Variants in NIN observed in about 807,000 individuals in gnomAD.
The protein encoded by NIN is ninein.
A neutral mutation model predicts 257.6 loss-of-function variants in NIN; 137 were observed. That is an observed-to-expected ratio of 0.53 (90% CI 0.46 to 0.61). The LOEUF (loss-of-function observed/expected upper bound fraction) is 0.61, where lower values mean the gene tolerates loss of function less well. Ranked by LOEUF, NIN falls within the 20% of genes least tolerant of loss-of-function variation. NIN has a pLI of 0.00. For synonymous variants in NIN, 918 were observed against 919.8 expected (o/e 1.00, Z 0.04); for missense variants, 2,439 against 2,501.2 (o/e 0.98, Z 0.53).
rs189187145 is a variant in NIN at position 50,746,785 on chromosome 14, A to C, written c.5064+1207T>G. 1.6e-3 allele frequency among the ~76,000 whole-genome samples: 245 copies of C among 152,360 alleles called. 1 individual carries two copies. Among genetic ancestry groups the C allele is most frequent in the African/African-American group, 5.2e-3 (217 of 41,588 alleles). ...GCAAATTGTTTTTTTCCAACAATGC[A>C]TTTCTCCATGAGAGGACATAATTTT... On this transcript the variant is annotated intron_variant, in intron 22 of 30. Coordinates refer to ENST00000530997, the MANE Select transcript of NIN (RefSeq NM_020921.4).
At chr14:50,760,420 TGA>T in intron 16 of NIN, 61 bp from the exon 17 acceptor site, 2 of 1,339,604 alleles carry the variant, frequency 1.5e-6, no homozygotes, top group Non-Finnish European at 2.0e-6. Context: ...GAAAGTGAAG[TGA>T]TGGAGCAGCA....
In NIN at chr14:50,738,291, C is replaced by G; in HGVS notation, c.5629-5G>C. On this transcript the variant is annotated splice_polypyrimidine_tract_variant and splice_region_variant and intron_variant, in intron 26 of 30. Coordinates refer to ENST00000530997, the MANE Select transcript of NIN (RefSeq NM_020921.4). The stretch of plus-strand genomic sequence containing the variant: ...ATTGGATTCCAACTGACGGACCTAA[C>G]AGGAACAAATGTAAGAGGAAAAAAT... The G allele has an allele frequency of 6.2e-7, 1 of 1,611,252 alleles. No homozygotes were observed. The highest frequency in any genetic ancestry group is 8.5e-7 in the Non-Finnish European group (1 of 1,179,000).
intron 22 of NIN, among the ~76,000 whole-genome samples, chr14:50,746,341 G>C (rs1053261741): frequency 2.0e-5 from 3 of 152,284 alleles, no homozygotes; most frequent in East Asian, 3.9e-4. Flanking sequence ...TGTTTATATG[G>C]ACAGGCGACT....
At chr14:50,754,327 G>C (rs1433833745) in intron 20 of NIN, among the ~76,000 whole-genome samples, 2 of 152,128 alleles carry the variant, frequency 1.3e-5, no homozygotes, top group African/African-American at 2.4e-5. Flanking sequence ...TTCTGCTGAT[G>C]ATAAAGCTTT....
At chr14:50,727,448 A>T in intron 29 of NIN, 1 of 1,170,796 alleles carries the variant, frequency 8.5e-7, no homozygotes, top group Non-Finnish European at 1.1e-6. Flanking sequence ...AAGGGTATAA[A>T]TAAAATGATT....
intron 5 of NIN, among the ~76,000 whole-genome samples, chr14:50,783,209 C>G (rs931169131): frequency 7.6e-6 from 1 of 131,002 alleles, no homozygotes; most frequent in East Asian, 2.3e-4. Flanking sequence ...CTACCACGCC[C>G]GGCTCATTTT....
intron 29 of NIN, among the ~76,000 whole-genome samples, chr14:50,728,064 T>TG (rs397852980): frequency 6.6e-6 from 1 of 151,972 alleles, no homozygotes; most frequent in African/African-American, 2.4e-5. Flanking sequence ...ATTTTTTTTT[T>TG]CTTTCAAAAA....
At chr14:50,724,971 G>T (rs1595686753) in intron 30 of NIN, among the ~76,000 whole-genome samples, 1 of 152,162 alleles carries the variant, frequency 6.6e-6, no homozygotes, top group Admixed American at 6.5e-5. Context: ...TTGGCACCTT[G>T]TAAGTGCATT....
chr14:50,732,148 T>C (rs374105175), intron 28 of NIN, among the ~76,000 whole-genome samples: 1 of 152,158 alleles, frequency 6.6e-6, no homozygotes, highest in African/African-American at 2.4e-5. Flanking sequence ...TGGGGGGATG[T>C]GTTATGTTAG....
chr14:50,755,832 CATT>C (rs2042001541), intron 18 of NIN, among the ~76,000 whole-genome samples: 1 of 151,744 alleles, frequency 6.6e-6, no homozygotes, highest in African/African-American at 2.4e-5. Flanking sequence ...GCCCAGCAAA[CATT>C]TTTTTATTTT....
Position 50,737,615 on chromosome 14 carries a change from T to A in NIN, c.5775+525A>T, listed in dbSNP as rs150553160. On this transcript the variant is annotated intron_variant, in intron 27 of 30. Transcript: ENST00000530997. ...AATAAAGATGATTAATTGCCTTCTT[T>A]AAGAAGCTTAAATTGTGGTTTTTTG... Among the ~76,000 whole-genome samples the A allele has an allele frequency of 6.7e-3, 1,016 of 150,710 alleles. 14 individuals carry two copies. Among genetic ancestry groups the A allele is most frequent in the African/African-American group, 0.023 (936 of 41,186 alleles).
At chr14:50,818,061 C>T (rs139686467) in intron 3 of NIN, among the ~76,000 whole-genome samples, 5 of 151,468 alleles carry the variant, frequency 3.3e-5, no homozygotes, top group Non-Finnish European at 1.5e-5. Flanking sequence ...CGATGGCTCA[C>T]GCCTGTAACC....
intron 12 of NIN, among the ~76,000 whole-genome samples, chr14:50,767,990 AG>A (rs1175547209): frequency 6.6e-6 from 1 of 151,724 alleles, no homozygotes; most frequent in Admixed American, 6.6e-5. Flanking sequence ...AACCCATAAA[AG>A]TTTTTTTAAA....
intron 2 of NIN, among the ~76,000 whole-genome samples, chr14:50,825,730 T>C (rs781661556): frequency 2.6e-5 from 4 of 152,218 alleles, no homozygotes; most frequent in African/African-American, 4.8e-5. Flanking sequence ...AATGATGCCA[T>C]TGGCAAACCA....
intron 2 of NIN, among the ~76,000 whole-genome samples, chr14:50,825,387 G>A (rs115030882): frequency 1.5e-4 from 23 of 152,162 alleles, no homozygotes; most frequent in African/African-American, 5.6e-4. Context: ...TTAAAAGCAG[G>A]TTATTGATAA....
chr14:50,760,573 T>G (rs2140868643), intron 16 of NIN, among the ~76,000 whole-genome samples: 1 of 152,232 alleles, frequency 6.6e-6, no homozygotes, highest in East Asian at 1.9e-4. Context: ...TGGCTGAATT[T>G]TATTAGTGTC....
chr14:50,732,774 C>T (rs1007316897), intron 28 of NIN, among the ~76,000 whole-genome samples: 5 of 151,960 alleles, frequency 3.3e-5, no homozygotes, highest in African/African-American at 1.2e-4. Flanking sequence ...GTCACCCAGG[C>T]TGGAGTGCAG....
chr14:50,748,049 G>A lies in NIN; in HGVS notation c.5007C>T (p.Thr1669=), dbSNP rs1421441346. 3 of 1,613,816 alleles carry A rather than the reference G, an allele frequency of 1.9e-6. No individual in the cohort carries two copies. The highest frequency in any genetic ancestry group is 2.5e-6 in the Non-Finnish European group (3 of 1,179,890). Residue 1669 remains threonine, a synonymous_variant, in exon 22 of 31, where the codon ACC becomes ACT. Transcript: ENST00000530997. ...GGTGGTTTTCCTGTTGCACAATATG[G>A]GTCTGTATTTTAACTTCAGAGAGCT... ...EAELSEVKIQ[T]HIVQQENHLL... is the part of the protein sequence containing the mutation.
At chr14:50,748,735 T>C (rs888973749) in intron 21 of NIN, among the ~76,000 whole-genome samples, 4 of 152,024 alleles carry the variant, frequency 2.6e-5, no homozygotes, top group Non-Finnish European at 4.4e-5. Context: ...ATAAAATACC[T>C]AGGAATACAA....
Sources: allele counts gnomAD v4.1 joint callset (sites outside exome capture counted in the v4.1 genomes callset), GRCh38; gene constraint gnomAD v4.1.1; transcripts MANE v1.5; gene names NCBI Gene and HGNC (gene_info 2026-07-23, HGNC 2026-07-21).